PCDHA4: variants seen among roughly 807,000 people sequenced by gnomAD.
PCDHA4 encodes the protein protocadherin alpha-4.
In PCDHA4, 49 loss-of-function variants were observed where a neutral mutation model predicts 61.4. The ratio of observed to expected loss-of-function variants is 0.80; its 90% confidence interval spans 0.63 to 1.01. The LOEUF is 1.01. Ranked by LOEUF, PCDHA4 falls within the 50% of genes least tolerant of loss-of-function variation. The probability of loss-of-function intolerance (pLI) is 0.00; values close to 1 mark genes in which losing one functional copy is unlikely to be tolerated. For synonymous variants in PCDHA4, 590 were observed against 550.3 expected, an observed-to-expected ratio of 1.07 and a Z score of -1.01; for missense variants, 1,254 against 1,235.8, an observed-to-expected ratio of 1.01 and a Z score of -0.22.
At chr5:140,859,421 T>A in intron 1 of PCDHA4, 1 of 232,516 alleles carries the variant, frequency 4.3e-6, no homozygotes, top group Non-Finnish European at 8.1e-6. Flanking sequence ...TGATATAGAC[T>A]CAGAAATGAA....
chr5:141,010,124 G>A lies in PCDHA4; in HGVS notation c.*187G>A. ...GGTTTTGTCGTAAAAGCTTTACTAAGTCTGGTGTTAACTCTTTCTCTCCAC... is the reference window on the plus strand; with the variant it reads ...GGTTTTGTCGTAAAAGCTTTACTAAATCTGGTGTTAACTCTTTCTCTCCAC... On this transcript the variant is annotated 3_prime_UTR_variant, in exon 4 of 4. Coordinates refer to ENST00000530339, the MANE Select transcript of PCDHA4 (RefSeq NM_018907.4). The A allele has an allele frequency of 1.2e-6, 2 of 1,605,172 alleles. No homozygotes were observed. The highest frequency in any genetic ancestry group is 1.7e-6 in the Non-Finnish European group (2 of 1,175,146).
At chr5:140,909,598 T>A (rs934160611) in intron 1 of PCDHA4, among the ~76,000 whole-genome samples, 1 of 152,198 alleles carries the variant, frequency 6.6e-6, no homozygotes, top group Non-Finnish European at 1.5e-5. Flanking sequence ...ATTTACTATT[T>A]TTCTAGGTAG....
At chr5:140,882,482 G>C (rs200256955) in intron 1 of PCDHA4, 38 of 1,613,930 alleles carry the variant, frequency 2.4e-5, no homozygotes, top group Admixed American at 8.3e-5. Flanking sequence ...CAAAAGACAC[G>C]GGGACCTTCT....
chr5:140,981,690 A>C (rs1410954672), intron 2 of PCDHA4, among the ~76,000 whole-genome samples: 1 of 150,712 alleles, frequency 6.6e-6, no homozygotes, highest in Non-Finnish European at 1.5e-5. Flanking sequence ...CCCTTCCATC[A>C]TTCATTCATT....
chr5:140,807,936 G>A lies in PCDHA4; in HGVS notation c.749G>A (p.Arg250Lys). The change falls in exon 1 of 4, where the codon AGA (arginine) becomes AAA (lysine). Residue 250 changes from arginine (R) to lysine (K), a missense_variant. Coordinates refer to ENST00000530339, the MANE Select transcript of PCDHA4 (RefSeq NM_018907.4). ...TTTGACAGAACCATTTATAAGGTGA[G>A]ATTACTAGAAAATGTTCCTAATGGA... ...PAFDRTIYKV[R>K]LLENVPNGTL... The A allele has an allele frequency of 6.2e-7, 1 of 1,614,112 alleles. No individual in the cohort carries two copies. Among genetic ancestry groups the A allele is most frequent in the South Asian group, 1.1e-5 (1 of 91,080 alleles).
intron 1 of PCDHA4, among the ~76,000 whole-genome samples, chr5:140,888,190 A>G (rs2153423083): frequency 6.6e-6 from 1 of 152,280 alleles, no homozygotes; most frequent in East Asian, 1.9e-4. Flanking sequence ...TGTGAATTTT[A>G]CATTGTCGGA....
intron 3 of PCDHA4, among the ~76,000 whole-genome samples, chr5:140,985,957 T>A (rs2097180705): frequency 6.6e-6 from 1 of 152,084 alleles, no homozygotes. Context: ...GCCAGGATGG[T>A]CTCAATCTCC....
chr5:140,857,694 C>A (rs1554150531), intron 1 of PCDHA4: 1 of 1,597,142 alleles, frequency 6.3e-7, no homozygotes. Flanking sequence ...AGCAACTTGA[C>A]GCTGCAGGTG....
intron 1 of PCDHA4, among the ~76,000 whole-genome samples, chr5:140,887,101 C>CTT (rs200717289): frequency 4.1e-5 from 6 of 145,304 alleles, no homozygotes; most frequent in African/African-American, 1.0e-4. Context: ...ATCTTTATCT[C>CTT]TTTTTTTTTT....
intron 1 of PCDHA4, among the ~76,000 whole-genome samples, chr5:140,906,130 C>T (rs1554192409): frequency 6.6e-6 from 1 of 152,112 alleles, no homozygotes; most frequent in African/African-American, 2.4e-5. Flanking sequence ...AAATGTTAGT[C>T]TCCTTTGATA....
intron 1 of PCDHA4, chr5:140,884,355 T>A (rs1562803326): frequency 1.9e-6 from 3 of 1,613,922 alleles, no homozygotes; most frequent in East Asian, 2.2e-5. Context: ...CTGGTGGATG[T>A]CAATGTTTAC....
At chr5:141,009,528 G>A in intron 3 of PCDHA4, 99 bp from the exon 4 acceptor site, 4 of 1,508,216 alleles carry the variant, frequency 2.7e-6, no homozygotes, top group Non-Finnish European at 3.5e-6. Flanking sequence ...TTCTGGGGAG[G>A]TTCAGCCTGC....
At chr5:140,982,240 A>G (rs1257297614) in intron 2 of PCDHA4, 14 of 694,558 alleles carry the variant, frequency 2.0e-5, no homozygotes, top group Admixed American at 3.6e-5. Flanking sequence ...CAGAATTGCC[A>G]TAAAGATAGA....
intron 1 of PCDHA4, chr5:140,883,340 C>T (rs2059560429): frequency 6.2e-7 from 1 of 1,614,140 alleles, no homozygotes; most frequent in Non-Finnish European, 8.5e-7. Flanking sequence ...TTTGTCACTC[C>T]CCATCAGAGA....
chr5:140,977,232 A>G (rs2096751038), intron 1 of PCDHA4, among the ~76,000 whole-genome samples: 1 of 152,368 alleles, frequency 6.6e-6, no homozygotes, highest in East Asian at 1.9e-4. Flanking sequence ...ACCCAATCAT[A>G]GAAAAATTGG....
At chr5:140,838,642 A>G (rs1255471339) in intron 1 of PCDHA4, among the ~76,000 whole-genome samples, 7 of 152,060 alleles carry the variant, frequency 4.6e-5, no homozygotes, top group African/African-American at 1.5e-4. Context: ...GTTGGTCAAA[A>G]AAATGATAGT....
intron 1 of PCDHA4, among the ~76,000 whole-genome samples, chr5:140,914,897 TTG>T (rs1415652208): frequency 6.6e-6 from 1 of 151,972 alleles, no homozygotes; most frequent in East Asian, 1.9e-4. Context: ...GCTTTTAACT[TTG>T]TGTTGTTTCT....
chr5:140,963,838 T>C (rs1414191733), intron 1 of PCDHA4, among the ~76,000 whole-genome samples: 3 of 152,254 alleles, frequency 2.0e-5, no homozygotes, highest in Admixed American at 1.3e-4. Context: ...CATTTTCTCA[T>C]GTAATCATAA....
Position 140,807,876 on chromosome 5 carries a change from T to C in PCDHA4, c.689T>C (p.Ile230Thr), listed in dbSNP as rs781990148. The part of the protein sequence containing the change: ...PELTGTVQLL[I>T]TVLDANDNAP... ...TTGACTGGCACCGTTCAGTTACTCA[T>C]CACAGTACTGGATGCCAATGACAAT... Residue 230 changes from isoleucine to threonine, a missense_variant, in exon 1 of 4, where the codon ATC becomes ACC. Physicochemically the swap from Ile to Thr is moderately conservative, Grantham distance 89. Coordinates refer to ENST00000530339, the MANE Select transcript of PCDHA4 (RefSeq NM_018907.4). The C allele has an allele frequency of 6.2e-7, 1 of 1,614,154 alleles. No individual in the cohort carries two copies.
Sources: allele counts gnomAD v4.1 joint callset (sites outside exome capture counted in the v4.1 genomes callset), GRCh38; gene constraint gnomAD v4.1.1; transcripts MANE v1.5; gene names NCBI Gene and HGNC (gene_info 2026-07-23, HGNC 2026-07-21).